Variants in KIF26B observed in about 807,000 individuals in gnomAD.
KIF26B encodes the protein kinesin-like protein KIF26B.
A neutral mutation model predicts 151.2 loss-of-function variants in KIF26B; 63 were observed. That is an observed-to-expected ratio of 0.42 (90% CI 0.34 to 0.51). The LOEUF (loss-of-function observed/expected upper bound fraction) is 0.51, where lower values mean the gene tolerates loss of function less well. Among genes scored for constraint, KIF26B ranks in the 20% least tolerant of loss-of-function variants. The probability of loss-of-function intolerance (pLI) is 0.07; values close to 1 mark genes in which losing one functional copy is unlikely to be tolerated. For synonymous variants in KIF26B, 1,357 were observed against 1,262.1 expected (o/e 1.08, Z -1.59); for missense variants, 2,813 against 2,913.6 (o/e 0.97, Z 0.79).
chr1:245,431,281 C>T (rs1223861486), intron 4 of KIF26B, among the ~76,000 whole-genome samples: 1 of 151,634 alleles, frequency 6.6e-6, no homozygotes, highest in African/African-American at 2.4e-5. Context: ...TGGGTTCAAG[C>T]AATTCTCCTG....
intron 3 of KIF26B, among the ~76,000 whole-genome samples, chr1:245,392,085 A>T (rs1673714666): frequency 6.6e-6 from 1 of 152,066 alleles, no homozygotes; most frequent in Non-Finnish European, 1.5e-5. Flanking sequence ...AGATAAAAAA[A>T]TTGAACCATG....
intron 9 of KIF26B, among the ~76,000 whole-genome samples, chr1:245,622,868 G>C (rs1215485162): frequency 3.3e-5 from 5 of 152,000 alleles, no homozygotes; most frequent in Non-Finnish European, 5.9e-5. Flanking sequence ...CCAGAGACAC[G>C]CCTCTCTGGA....
chr1:245,571,498 T>C (rs1351935710), intron 5 of KIF26B, among the ~76,000 whole-genome samples: 5 of 152,258 alleles, frequency 3.3e-5, no homozygotes, highest in African/African-American at 4.8e-5. Flanking sequence ...ACTGATGTTG[T>C]ATAAACTGCT....
chr1:245,570,102 A>C (rs1030574782), intron 5 of KIF26B, among the ~76,000 whole-genome samples: 1 of 150,890 alleles, frequency 6.6e-6, no homozygotes, highest in Non-Finnish European at 1.5e-5. Flanking sequence ...CACCCGGCTA[A>C]TTTTTTTGTA....
chr1:245,569,378 C>T (rs761529004), intron 5 of KIF26B, among the ~76,000 whole-genome samples: 1 of 151,938 alleles, frequency 6.6e-6, no homozygotes, highest in Non-Finnish European at 1.5e-5. Flanking sequence ...GAGGCTGAGA[C>T]GGGAGGATTA....
At chr1:245,356,093 G>C (rs1672689710) in intron 2 of KIF26B, among the ~76,000 whole-genome samples, 1 of 152,166 alleles carries the variant, frequency 6.6e-6, no homozygotes, top group Non-Finnish European at 1.5e-5. Context: ...AGCTTCCCAA[G>C]TGACTCTGCG....
chr1:245,431,911 C>T (rs1177937873), intron 4 of KIF26B, among the ~76,000 whole-genome samples: 1 of 152,226 alleles, frequency 6.6e-6, no homozygotes, highest in African/African-American at 2.4e-5. Context: ...CCCTCTTCCT[C>T]TGCCATGTTC....
At chr1:245,440,639 T>C (rs537787355) in intron 4 of KIF26B, among the ~76,000 whole-genome samples, 1 of 152,322 alleles carries the variant, frequency 6.6e-6, no homozygotes, top group African/African-American at 2.4e-5. Flanking sequence ...CAGAAAGAGA[T>C]GGAATTCTCA....
At chr1:245,231,990 C>G (rs1178855693) in intron 2 of KIF26B, among the ~76,000 whole-genome samples, 1 of 152,154 alleles carries the variant, frequency 6.6e-6, no homozygotes, top group Non-Finnish European at 1.5e-5. Flanking sequence ...AGGGTTGTTA[C>G]CATCAAACAG....
rs1660322991 is a variant in KIF26B at position 245,488,211 on chromosome 1, C to G, written c.1167-52556C>G. 6.6e-6 allele frequency among the ~76,000 whole-genome samples: 1 copy of G among 152,122 alleles called. No homozygotes were observed. Among genetic ancestry groups the G allele is most frequent in the African/African-American group, 2.4e-5 (1 of 41,414 alleles). ...CACTGAGATTACCAGCGTGAGCCAC[C>G]ACACTGGCCAACCCAGACTTTCCAC... is the stretch of plus-strand genomic sequence containing the variant. On this transcript the variant is annotated intron_variant, in intron 4 of 14. Coordinates refer to ENST00000407071, the MANE Select transcript of KIF26B (RefSeq NM_018012.4). This position sits in a 1 kb window ranked among gnomAD's most constrained non-coding sequence, Gnocchi z 4.6.
chr1:245,348,749 C>T (rs1459138072), intron 2 of KIF26B, among the ~76,000 whole-genome samples: 1 of 152,170 alleles, frequency 6.6e-6, no homozygotes, highest in African/African-American at 2.4e-5. Flanking sequence ...CAACCATCTC[C>T]CCTCCTCATT....
chr1:245,609,349 C>G lies in KIF26B; in HGVS notation c.1735C>G (p.Leu579Val), dbSNP rs61754955. 33,100 of 1,610,506 alleles carry G rather than the reference C, an allele frequency of 0.021. 622 individuals carry two copies. Among genetic ancestry groups the G allele is most frequent in the Admixed American group, 0.1 (6,106 of 59,344 alleles). ...CTGTGCCATCTCTTGGCTCTTCAAGCTCATAAACGAACGCAAGGAAAAGAC... is the reference window on the plus strand; with the variant it reads ...CTGTGCCATCTCTTGGCTCTTCAAGGTCATAAACGAACGCAAGGAAAAGAC... ...IPCAISWLFK[L>V]INERKEKTGA... The change falls in exon 8 of 15, where the codon CTC becomes GTC. Residue 579 changes from leucine (L) to valine (V), a missense_variant. By Grantham distance (32) the Leu-to-Val change is conservative. Coordinates refer to ENST00000407071, the MANE Select transcript of KIF26B (RefSeq NM_018012.4).
chr1:245,180,963 T>A (rs1441538344), intron 2 of KIF26B, among the ~76,000 whole-genome samples: 1 of 152,128 alleles, frequency 6.6e-6, no homozygotes, highest in African/African-American at 2.4e-5. Flanking sequence ...GTGGGCAAGA[T>A]AGGGTGGGGG....
chr1:245,232,551 GT>G lies in KIF26B; in HGVS notation c.465+75884del, dbSNP rs58620865. 4.6e-3 allele frequency among the ~76,000 whole-genome samples: 611 copies of G among 131,738 alleles called. 3 individuals carry two copies. Among genetic ancestry groups the G allele is most frequent in the African/African-American group, 0.013 (487 of 36,120 alleles). The allele number at this position is 131,738 out of a possible 152,430, so 86.4% of individuals were successfully genotyped here. Reference sequence around the variant, plus strand: ...GTAGCAAATACATGTGGTTTCATTTGTTTTTTTTTTTTTTTTGAGATGGAGT... The same window carrying G: ...GTAGCAAATACATGTGGTTTCATTTGTTTTTTTTTTTTTTTGAGATGGAGT... On this transcript the variant is annotated intron_variant, in intron 2 of 14. Transcript: ENST00000407071.
intron 4 of KIF26B, chr1:245,511,238 G>A (rs1232686562): frequency 3.0e-6 from 2 of 670,710 alleles, no homozygotes; most frequent in African/African-American, 1.8e-5. Flanking sequence ...AAAATAAAAT[G>A]CATAAACCAT....
At position 245,335,942 on chromosome 1, in the gene KIF26B, GGTCCCACGCAGGGAAAGGAGA is replaced by G. The variant is rs1467703738; in HGVS notation, c.466-30871_466-30851del. ...GGGAGAGCCCCATGCAGGGAAAGAG[GGTCCCACGCAGGGAAAGGAGA>G]GTCCCACGCAGGGAAAGGAGGGTCC... is the stretch of plus-strand genomic sequence containing the variant. On this transcript the variant is annotated intron_variant, in intron 2 of 14. Coordinates refer to ENST00000407071, the MANE Select transcript of KIF26B (RefSeq NM_018012.4). Among the ~76,000 whole-genome samples, 20 of 112,266 alleles carry G rather than the reference GGTCCCACGCAGGGAAAGGAGA, an allele frequency of 1.8e-4. No individual in the cohort carries two copies. The East Asian group carries it at 5.4e-3, about 30-fold the overall frequency. The allele number at this position is 112,266 out of a possible 152,430, so 73.7% of individuals were successfully genotyped here.
intron 10 of KIF26B, among the ~76,000 whole-genome samples, chr1:245,678,191 C>G (rs1558265411): frequency 6.6e-6 from 1 of 151,944 alleles, no homozygotes; most frequent in African/African-American, 2.4e-5. Context: ...GTTCTGTCCC[C>G]CTCTGGTGTT....
At chr1:245,423,152 G>C (rs1242084281) in intron 4 of KIF26B, among the ~76,000 whole-genome samples, 1 of 151,828 alleles carries the variant, frequency 6.6e-6, no homozygotes, top group South Asian at 2.1e-4. Context: ...GCTATGCTGG[G>C]GGCCATTTCG....
chr1:245,402,381 A>G (rs12129001), intron 3 of KIF26B, among the ~76,000 whole-genome samples: 35,679 of 152,142 alleles, frequency 0.23, 6,638 homozygotes, highest in African/African-American at 0.51. Flanking sequence ...CTCGCTGGAT[A>G]CAGAGCCCAC....
Sources: allele counts gnomAD v4.1 joint callset (sites outside exome capture counted in the v4.1 genomes callset), GRCh38; gene constraint gnomAD v4.1.1; non-coding constraint Gnocchi (gnomAD v3.1); transcripts MANE v1.5; gene names NCBI Gene and HGNC (gene_info 2026-07-23, HGNC 2026-07-21).